SLC4A5: variants seen among roughly 807,000 people sequenced by gnomAD.
SLC4A5 encodes the protein electrogenic sodium bicarbonate cotransporter 4.
SLC4A5 carries 96 observed loss-of-function variants against 120.4 expected under a neutral mutation model. The observed-to-expected ratio is 0.80, with a 90% CI of 0.68 to 0.94. SLC4A5 has a LOEUF of 0.94. Among genes scored for constraint, SLC4A5 ranks in the 40% least tolerant of loss-of-function variants. The probability of loss-of-function intolerance (pLI) is 0.00; values close to 1 mark genes in which losing one functional copy is unlikely to be tolerated. For synonymous variants in SLC4A5, 550 were observed against 571.1 expected (o/e 0.96, Z 0.53); for missense variants, 1,259 against 1,459.5 (o/e 0.86, Z 2.24).
chr2:74,239,239 G>A (rs944975241), intron 21 of SLC4A5, 96 bp downstream of exon 21: 32 of 1,191,608 alleles, frequency 2.7e-5, no homozygotes, highest in Non-Finnish European at 3.6e-5. Context: ...GCCAGTGCTC[G>A]CATGGAGTCC....
chr2:74,323,196 T>TGC (rs1333755843), intron 5 of SLC4A5, among the ~76,000 whole-genome samples: 1 of 152,040 alleles, frequency 6.6e-6, no homozygotes, highest in African/African-American at 2.4e-5. Flanking sequence ...GCTGAGATTG[T>TGC]GCCACTGCAT....
chr2:74,307,550 G>T, intron 6 of SLC4A5: 2 of 640,432 alleles, frequency 3.1e-6, no homozygotes, highest in Non-Finnish European at 2.9e-6. Flanking sequence ...GATGGGCACT[G>T]TCGATCTGCA....
chr2:74,330,804 G>T (rs1052422607), intron 4 of SLC4A5, among the ~76,000 whole-genome samples: 36 of 143,686 alleles, frequency 2.5e-4, no homozygotes, highest in African/African-American at 9.4e-4. Context: ...GAGGCAGTGA[G>T]GTCTAGATGG....
At chr2:74,243,535 T>C (rs551009573) in intron 19 of SLC4A5, among the ~76,000 whole-genome samples, 1 of 152,330 alleles carries the variant, frequency 6.6e-6, no homozygotes, top group African/African-American at 2.4e-5. Flanking sequence ...TTTCCTCACA[T>C]CAGTGACCAA....
intron 28 of SLC4A5, among the ~76,000 whole-genome samples, chr2:74,223,619 T>A (rs981971153): frequency 6.6e-6 from 1 of 152,252 alleles, no homozygotes; most frequent in Non-Finnish European, 1.5e-5. Context: ...CATTGATATA[T>A]CATAATTCAG....
intron 21 of SLC4A5, among the ~76,000 whole-genome samples, chr2:74,237,044 T>C (rs1266211516): frequency 6.6e-6 from 1 of 151,252 alleles, no homozygotes; most frequent in African/African-American, 2.4e-5. Context: ...TGGCGCAATC[T>C]TTGCTCACGG....
At chr2:74,269,350 T>C (rs775003615) in intron 8 of SLC4A5, among the ~76,000 whole-genome samples, 11 of 151,898 alleles carry the variant, frequency 7.2e-5, no homozygotes, top group Middle Eastern at 3.4e-3. Flanking sequence ...GGATTACAGG[T>C]GCCTGCCACC....
At chr2:74,338,338 T>C (rs948987884) in intron 3 of SLC4A5, among the ~76,000 whole-genome samples, 3 of 152,176 alleles carry the variant, frequency 2.0e-5, no homozygotes, top group African/African-American at 7.2e-5. Flanking sequence ...AATCTACAAG[T>C]AAAATTAAAA....
intron 11 of SLC4A5, 76 bp from the exon 12 acceptor site, chr2:74,259,719 T>C (rs1237778503): frequency 4.3e-6 from 6 of 1,397,110 alleles, no homozygotes; most frequent in African/African-American, 2.8e-5. Context: ...GCCCTACTCA[T>C]GTACCTCTCC....
chr2:74,295,161 G>A (rs953747342), intron 7 of SLC4A5, among the ~76,000 whole-genome samples: 2 of 151,798 alleles, frequency 1.3e-5, no homozygotes, highest in African/African-American at 4.8e-5. Flanking sequence ...GCTGAGGAGA[G>A]GGGGCTCAGA....
At chr2:74,307,286 G>T in intron 6 of SLC4A5, 1 of 524,490 alleles carries the variant, frequency 1.9e-6, no homozygotes, top group South Asian at 1.8e-5. Flanking sequence ...TCTTATCAAC[G>T]TCCTAAGATT....
At chr2:74,328,298 G>C (rs1200761009) in intron 4 of SLC4A5, 112 bp from the exon 5 acceptor site, 1 of 523,394 alleles carries the variant, frequency 1.9e-6, no homozygotes, top group African/African-American at 2.1e-5. Flanking sequence ...CAAGGTGGGG[G>C]GAGGGACGCT....
chr2:74,297,457 T>C (rs1360444564), intron 7 of SLC4A5, among the ~76,000 whole-genome samples: 2 of 152,156 alleles, frequency 1.3e-5, no homozygotes, highest in Admixed American at 6.5e-5. Flanking sequence ...CCTGCAACAA[T>C]CTTTCACTCT....
chr2:74,273,500 T>G (rs1185154463), intron 8 of SLC4A5, among the ~76,000 whole-genome samples: 1 of 152,214 alleles, frequency 6.6e-6, no homozygotes, highest in African/African-American at 2.4e-5. Flanking sequence ...CCTCACCAAC[T>G]TTATTCTGTA....
At chr2:74,216,301 T>G (rs565933851) in exon 31 of SLC4A5, 7 of 152,348 alleles carry the variant, frequency 4.6e-5, no homozygotes, top group East Asian at 1.9e-4. Flanking sequence ...ATGACTGACT[T>G]ACTGCATGGA....
intron 21 of SLC4A5, among the ~76,000 whole-genome samples, chr2:74,235,470 T>C (rs1670240284): frequency 6.6e-6 from 1 of 152,196 alleles, no homozygotes; most frequent in Non-Finnish European, 1.5e-5. Context: ...GTAAGTGAAC[T>C]GTGACACATT....
rs78019505 is a variant in SLC4A5 at position 74,286,497 on chromosome 2, C to G, written c.272-595G>C. On this transcript the variant is annotated intron_variant, in intron 7 of 30. Transcript: ENST00000394019. ...CATTCCTCTCCCAAACACACTTCAC[C>G]TGTGTTCTTTCTCTCTTTTTCTTTC... Among the ~76,000 whole-genome samples the G allele has an allele frequency of 7.1e-3, 1,077 of 152,346 alleles. 3 individuals are homozygous for G. The highest frequency in any genetic ancestry group is 0.01 in the Non-Finnish European group (705 of 68,032).
At chr2:74,304,611 T>G in exon 7 of SLC4A5, 2 of 1,614,210 alleles carry the variant, frequency 1.2e-6, no homozygotes, top group Non-Finnish European at 1.7e-6. Flanking sequence ...GCCTGAAAGA[T>G]GTCCCTTCTG....
intron 19 of SLC4A5, among the ~76,000 whole-genome samples, chr2:74,244,373 C>T (rs1193536752): frequency 6.6e-6 from 1 of 151,806 alleles, no homozygotes; most frequent in African/African-American, 2.4e-5. Flanking sequence ...CTTGTTTGTT[C>T]GTTCCTTCCT....
Sources: allele counts gnomAD v4.1 joint callset (sites outside exome capture counted in the v4.1 genomes callset), GRCh38; gene constraint gnomAD v4.1.1; transcripts MANE v1.5; gene names NCBI Gene and HGNC (gene_info 2026-07-23, HGNC 2026-07-21).